ASB7: variants seen among roughly 807,000 people sequenced by gnomAD.
ASB7 encodes the protein ankyrin repeat and SOCS box containing 7.
In ASB7, 4 loss-of-function variants were observed where a neutral mutation model predicts 32.5. The observed-to-expected ratio is 0.12, with a 90% confidence interval of 0.06 to 0.28. The LOEUF (loss-of-function observed/expected upper bound fraction) is 0.28, where lower values mean the gene tolerates loss of function less well. ASB7 is among the 10% of genes least tolerant of loss of function. ASB7 has a pLI of 1.00. For synonymous variants in ASB7, 172 were observed against 155.6 expected, an observed-to-expected ratio of 1.11 and a Z score of -0.78; for missense variants, 181 against 407.1, an observed-to-expected ratio of 0.44 and a Z score of 4.78.
intron 4 of ASB7, among the ~76,000 whole-genome samples, chr15:100,626,546 A>C (rs149614510): frequency 6.6e-6 from 1 of 152,190 alleles, no homozygotes; most frequent in Non-Finnish European, 1.5e-5. Flanking sequence ...TTTCATGTGC[A>C]TTTCACATAC....
At chr15:100,645,656 T>C in intron 5 of ASB7, 1 of 1,244,236 alleles carries the variant, frequency 8.0e-7, no homozygotes, top group Non-Finnish European at 1.2e-6. Context: ...CCAACCTGTA[T>C]GTGAGGTTAG....
intron 4 of ASB7, among the ~76,000 whole-genome samples, chr15:100,613,688 C>G (rs1174686976): frequency 6.6e-6 from 1 of 152,154 alleles, no homozygotes; most frequent in African/African-American, 2.4e-5. Flanking sequence ...ACATTAAGAC[C>G]AAGATGAGGG....
At position 100,630,007 on chromosome 15, in the gene ASB7, G is replaced by C. The variant is rs764735468; in HGVS notation, c.782G>C (p.Ser261Thr). 15 of 1,608,336 alleles carry C rather than the reference G, an allele frequency of 9.3e-6. No homozygotes were observed. In the Admixed American group the frequency reaches 2.0e-4, roughly 22 times the overall value. ...LAVSISISGS[S>T]RPCLDFLQEV... ...GTTTCAATAAGTATTTCTGGAAGTA[G>C]TCGACCATGTTTGGATTTCTTACAA... Residue 261 changes from serine to threonine, a missense_variant, in exon 5 of 6, where the codon AGT (serine) becomes ACT (threonine). Coordinates refer to ENST00000332783, the MANE Select transcript of ASB7 (RefSeq NM_198243.3).
At chr15:100,616,588 A>T (rs1403137345) in intron 4 of ASB7, among the ~76,000 whole-genome samples, 1 of 152,168 alleles carries the variant, frequency 6.6e-6, no homozygotes, top group Non-Finnish European at 1.5e-5. Context: ...ATTACTGTGC[A>T]CTAGGTCAGA....
At chr15:100,604,893 A>G (rs1001471434) in intron 2 of ASB7, among the ~76,000 whole-genome samples, 4 of 152,256 alleles carry the variant, frequency 2.6e-5, no homozygotes. Flanking sequence ...TATTTGAAGT[A>G]TGTTCTAAAG....
Position 100,603,283 on chromosome 15 carries a change from A to C in ASB7, c.-204A>C, listed in dbSNP as rs2039582611. On this transcript the variant is annotated 5_prime_UTR_variant, in exon 2 of 6. Transcript: ENST00000332783. ...CCCACCTATCAGAGAAGCAGAAGGCACAGTGCCTCTGACCAGCATCGTCTG... is the reference window on the plus strand; with the variant it reads ...CCCACCTATCAGAGAAGCAGAAGGCCCAGTGCCTCTGACCAGCATCGTCTG... The C allele has an allele frequency of 3.1e-6, 1 of 323,740 alleles. No individual in the cohort carries two copies. The highest frequency in any genetic ancestry group is 5.0e-5 in the Admixed American group (1 of 20,196). The allele number at this position is 323,740 out of a possible 1,614,324, so 20.1% of individuals were successfully genotyped here.
intron 5 of ASB7, 161 bp downstream of exon 5, chr15:100,630,203 GACTGTATCA>G: frequency 5.2e-6 from 7 of 1,340,688 alleles, no homozygotes; most frequent in Non-Finnish European, 6.7e-6. Flanking sequence ...AAAAAACTTT[GACTGTATCA>G]CAAGATTTCA....
chr15:100,613,960 A>G (rs1308950590), intron 4 of ASB7, among the ~76,000 whole-genome samples: 2 of 152,118 alleles, frequency 1.3e-5, no homozygotes, highest in Admixed American at 6.5e-5. Flanking sequence ...TCCTGACACT[A>G]TTACATGGAC....
At chr15:100,606,190 T>C (rs1004109621) in intron 2 of ASB7, among the ~76,000 whole-genome samples, 5 of 131,976 alleles carry the variant, frequency 3.8e-5, no homozygotes, top group Non-Finnish European at 8.2e-5. Flanking sequence ...CATTGAAGGA[T>C]TGTTTTTTTT....
intron 4 of ASB7, among the ~76,000 whole-genome samples, chr15:100,627,997 C>T (rs545620577): frequency 3.3e-5 from 5 of 152,174 alleles, no homozygotes; most frequent in Non-Finnish European, 5.9e-5. Context: ...CAGATGGCAG[C>T]AAAATGCTGT....
intron 5 of ASB7, among the ~76,000 whole-genome samples, chr15:100,634,568 C>T (rs1252219900): frequency 6.6e-6 from 1 of 152,142 alleles, no homozygotes; most frequent in African/African-American, 2.4e-5. Context: ...CTTTGGGAGG[C>T]CAAAGCAGGT....
chr15:100,621,675 A>G (rs2039793240), intron 4 of ASB7, among the ~76,000 whole-genome samples: 1 of 152,176 alleles, frequency 6.6e-6, no homozygotes, highest in African/African-American at 2.4e-5. Flanking sequence ...CTATATTGAA[A>G]CAGTTTCTGT....
At chr15:100,638,788 A>T (rs1443776581) in intron 5 of ASB7, among the ~76,000 whole-genome samples, 1 of 152,108 alleles carries the variant, frequency 6.6e-6, no homozygotes, top group Non-Finnish European at 1.5e-5. Flanking sequence ...CCCGTCACCT[A>T]GGTTTTAAGG....
chr15:100,628,800 T>G (rs1219391436), intron 4 of ASB7, among the ~76,000 whole-genome samples: 1 of 152,266 alleles, frequency 6.6e-6, no homozygotes, highest in Non-Finnish European at 1.5e-5. Flanking sequence ...AATGCATTGC[T>G]TAATTCTTAT....
At chr15:100,633,193 GT>G (rs2039896521) in intron 5 of ASB7, among the ~76,000 whole-genome samples, 1 of 146,574 alleles carries the variant, frequency 6.8e-6, no homozygotes, top group African/African-American at 2.6e-5. Context: ...CCAGTTTTTG[GT>G]TTTTTACTTG....
rs1371746210 is a variant in ASB7, at chr15:100,651,154, A to G, written c.*2692A>G. ...AACCAGCTTACAAAAGATTATGATC[A>G]TTAATGAACTGCAAACCTCATCTTT... On this transcript the variant is annotated 3_prime_UTR_variant, in exon 6 of 6. Coordinates refer to ENST00000332783, the MANE Select transcript of ASB7 (RefSeq NM_198243.3). 2.0e-5 allele frequency: 3 copies of G among 152,036 alleles called. No homozygotes were observed. The highest frequency in any genetic ancestry group is 2.1e-4 in the South Asian group (1 of 4,832). The allele number at this position is 152,036 out of a possible 1,614,324, so 9.4% of individuals were successfully genotyped here. A position where few individuals can be genotyped will look rare whatever the true frequency, so the allele number is the denominator to read the frequency against.
At position 100,649,075 on chromosome 15, in the gene ASB7, T is replaced by A. The variant is rs2040014539; in HGVS notation, c.*613T>A. 6.5e-6 allele frequency: 1 copy of A among 152,674 alleles called. No individual in the cohort carries two copies. 9.5% of individuals were successfully genotyped at this position (152,674 alleles called of 1,614,324 possible). A position where few individuals can be genotyped will look rare whatever the true frequency, so the allele number is the denominator to read the frequency against. On this transcript the variant is annotated 3_prime_UTR_variant, in exon 6 of 6. Coordinates refer to ENST00000332783, the MANE Select transcript of ASB7 (RefSeq NM_198243.3). ...CCTCTGCTTTTCTTTTGCTGTGCTC[T>A]TGTTTTTAACTTATTTTTTTTTTAA...
In ASB7 at chr15:100,648,501, A is replaced by G. The variant is rs2040010897; in HGVS notation, c.*39A>G. Reference sequence around the variant, plus strand: ...TGAGCAAGATTAGGAGTTCTATTCTAGATACTTAAAAGGCTTTTTGCCTTG... The same window carrying G: ...TGAGCAAGATTAGGAGTTCTATTCTGGATACTTAAAAGGCTTTTTGCCTTG... On this transcript the variant is annotated 3_prime_UTR_variant, in exon 6 of 6. Coordinates refer to ENST00000332783, the MANE Select transcript of ASB7 (RefSeq NM_198243.3). 1 of 1,532,540 alleles carries G rather than the reference A, an allele frequency of 6.5e-7. No individual in the cohort carries two copies. The highest frequency in any genetic ancestry group is 1.9e-5 in the Admixed American group (1 of 51,446). The allele number at this position is 1,532,540 out of a possible 1,614,324, so 94.9% of individuals were successfully genotyped here. A position where few individuals can be genotyped will look rare whatever the true frequency, so the allele number is the denominator to read the frequency against.
intron 5 of ASB7, among the ~76,000 whole-genome samples, chr15:100,641,186 TCTC>T (rs2039959289): frequency 1.3e-5 from 2 of 152,220 alleles, no homozygotes; most frequent in African/African-American, 4.8e-5. Context: ...TTCTCTGCCT[TCTC>T]TTCTTCTGCC....
Sources: gnomAD v4.1 joint callset for allele counts (sites outside exome capture counted in the v4.1 genomes callset) on GRCh38, gnomAD v4.1.1 for gene constraint, MANE v1.5 for transcripts, NCBI Gene and HGNC (gene_info 2026-07-23, HGNC 2026-07-21) for gene names.